TTC7A: variants seen among roughly 807,000 people sequenced by gnomAD.
TTC7A encodes tetratricopeptide repeat protein 7A.
A neutral mutation model predicts 103.7 loss-of-function variants in TTC7A; 110 were observed. The ratio of observed to expected loss-of-function variants is 1.06; its 90% confidence interval spans 0.91 to 1.24. The LOEUF (loss-of-function observed/expected upper bound fraction) is 1.24, where lower values mean the gene tolerates loss of function less well. TTC7A is among the 50% of genes most tolerant of loss of function. TTC7A has a pLI of 0.00. For missense variants in TTC7A, 1,340 were observed against 1,116.3 expected (o/e 1.20, Z -2.86); for synonymous variants, 521 against 467.9 (o/e 1.11, Z -1.47).
At chr2:46,954,566 CTTTTTTT>C (rs35548270) in intron 2 of TTC7A, among the ~76,000 whole-genome samples, 2 of 121,330 alleles carry the variant, frequency 1.6e-5, no homozygotes, top group Non-Finnish European at 3.3e-5. Context: ...AACTAAGAGC[CTTTTTTT>C]TTTTTTTTTT....
chr2:46,939,355 C>T (rs968244331), upstream of TTC7A, among the ~76,000 whole-genome samples: 8 of 152,122 alleles, frequency 5.3e-5, no homozygotes, highest in Non-Finnish European at 1.0e-4. Flanking sequence ...TTTTACACCC[C>T]TGAGAAATGT....
At chr2:47,024,778 G>A (rs991047293) in intron 14 of TTC7A, among the ~76,000 whole-genome samples, 2 of 152,092 alleles carry the variant, frequency 1.3e-5, no homozygotes, top group African/African-American at 4.8e-5. Flanking sequence ...TCACTGTGTG[G>A]ACACCACCAT....
chr2:46,939,735 C>T (rs1392600636), upstream of TTC7A, among the ~76,000 whole-genome samples: 3 of 152,196 alleles, frequency 2.0e-5, no homozygotes, highest in Non-Finnish European at 4.4e-5. Context: ...AGTGTGTTCT[C>T]GGGTCACCCT....
chr2:47,034,772 G>A (rs1296609191), intron 15 of TTC7A, among the ~76,000 whole-genome samples: 1 of 152,196 alleles, frequency 6.6e-6, no homozygotes, highest in Non-Finnish European at 1.5e-5. Flanking sequence ...GTCGGTCAGG[G>A]TAGGCCCTCT....
At chr2:46,964,848 C>T (rs1672701133) in intron 3 of TTC7A, among the ~76,000 whole-genome samples, 1 of 152,170 alleles carries the variant, frequency 6.6e-6, no homozygotes, top group Non-Finnish European at 1.5e-5. Context: ...TTCATTCTAC[C>T]TTGAGCCTGG....
chr2:46,965,103 C>T (rs1342035449), intron 3 of TTC7A, among the ~76,000 whole-genome samples: 1 of 152,168 alleles, frequency 6.6e-6, no homozygotes. Context: ...CCTCAGCAGC[C>T]AGAAGGATTA....
At chr2:47,044,310 C>G (rs535505043) in intron 15 of TTC7A, among the ~76,000 whole-genome samples, 1 of 152,312 alleles carries the variant, frequency 6.6e-6, no homozygotes, top group East Asian at 1.9e-4. Context: ...TTATAGCGCT[C>G]TAATTGTTGT....
At chr2:47,011,276 G>T in intron 10 of TTC7A, 55 bp from the exon 11 acceptor site, 1 of 1,526,780 alleles carries the variant, frequency 6.5e-7, no homozygotes, top group Non-Finnish European at 9.0e-7. Flanking sequence ...CCCACTGTGG[G>T]CCCTTGAGAT....
intron 11 of TTC7A, among the ~76,000 whole-genome samples, chr2:47,016,309 G>GTTTTTCTCCTCTC (rs1678653490): frequency 1.3e-5 from 2 of 152,224 alleles, no homozygotes; most frequent in Admixed American, 6.5e-5. Context: ...CCAGAGGGTA[G>GTTTTTCTCCTCTC]CTGTGAATCA....
At chr2:46,933,033 C>A (rs1279317005) in intron 2 of TTC7A, among the ~76,000 whole-genome samples, 1 of 152,146 alleles carries the variant, frequency 6.6e-6, no homozygotes, top group Non-Finnish European at 1.5e-5. Context: ...CTAAGCTGCA[C>A]TGAAAAGGCT....
chr2:47,042,934 C>G (rs997555496), intron 15 of TTC7A, among the ~76,000 whole-genome samples: 3 of 152,190 alleles, frequency 2.0e-5, no homozygotes, highest in African/African-American at 7.2e-5. Context: ...TCCCCAGCCC[C>G]GACTGCCAGC....
chr2:47,052,024 TG>T (rs1682902163), intron 18 of TTC7A, 144 bp downstream of exon 18: 1 of 1,085,530 alleles, frequency 9.2e-7, no homozygotes, highest in Non-Finnish European at 1.3e-6. Flanking sequence ...CCTCTGGCTG[TG>T]GGTCTCCTTC....
chr2:46,986,110 G>T (rs1049055183), intron 5 of TTC7A, among the ~76,000 whole-genome samples: 13 of 152,238 alleles, frequency 8.5e-5, no homozygotes, highest in African/African-American at 3.1e-4. Context: ...TTAGCTTAAG[G>T]TGCTAGAAGC....
At position 46,956,868 on chromosome 2, in the gene TTC7A, C is replaced by G. The variant is rs995588757; in HGVS notation, c.378C>G (p.Ile126Met). 51 of 1,614,086 alleles carry G rather than the reference C, an allele frequency of 3.2e-5. No individual in the cohort carries two copies. The highest frequency in any genetic ancestry group is 3.6e-5 in the Non-Finnish European group (43 of 1,180,054). The stretch of plus-strand genomic sequence containing the variant: ...AGTACATGTGTGAGGCCATGCTGAT[C>G]CTGGGCAAACTGCATTACGTGGAGG... ...SPQYMCEAML[I>M]LGKLHYVEGS... Residue 126 changes from isoleucine to methionine, a missense_variant, in exon 3 of 20, where the codon ATC (isoleucine) becomes ATG (methionine). Ile to Met is a conservative substitution (Grantham distance 10, BLOSUM62 1). Coordinates refer to ENST00000319190, the MANE Select transcript of TTC7A (RefSeq NM_020458.4).
intron 3 of TTC7A, chr2:46,958,444 G>C (rs1672079532): frequency 7.8e-7 from 1 of 1,284,808 alleles, no homozygotes; most frequent in South Asian, 1.2e-5. Flanking sequence ...TTTCTCCTGA[G>C]CCTGGCTCAG....
chr2:47,072,256 C>T lies in TTC7A; in HGVS notation c.2356-1446C>T, dbSNP rs551093102. On this transcript the variant is annotated intron_variant, in intron 19 of 19. Transcript: ENST00000319190. ...ACCCCGCCTGCAGCCACCCTGTCCT[C>T]CCCTGGCCTCTGCACGCCTCATCCG... is the stretch of plus-strand genomic sequence containing the variant. 2.6e-5 allele frequency among the ~76,000 whole-genome samples: 4 copies of T among 152,314 alleles called. No homozygotes were observed. The East Asian group carries it at 7.7e-4, about 29-fold the overall frequency.
intron 5 of TTC7A, among the ~76,000 whole-genome samples, chr2:46,987,804 C>CCGCGCG (rs141264278): frequency 9.6e-4 from 132 of 138,000 alleles, no homozygotes; most frequent in African/African-American, 3.4e-3. Flanking sequence ...CTGTCCCTTT[C>CCGCGCG]CGCGCGTGTG....
At position 47,060,743 on chromosome 2, in the gene TTC7A, C is replaced by T. The variant is rs762611836; in HGVS notation, c.2153-26C>T. 8 of 1,571,358 alleles carry T rather than the reference C, an allele frequency of 5.1e-6. No homozygotes were observed. The South Asian group carries it at 9.4e-5, about 18-fold the overall frequency. On this transcript the variant is annotated intron_variant, in intron 18 of 19. Coordinates refer to ENST00000319190, the MANE Select transcript of TTC7A (RefSeq NM_020458.4). Reference sequence around the variant, plus strand: ...GCCTCTGACTCCCCACCACTCACACCTCCCACTGCCCTTCTGCTTTTGCAG... The same window carrying T: ...GCCTCTGACTCCCCACCACTCACACTTCCCACTGCCCTTCTGCTTTTGCAG...
intron 3 of TTC7A, among the ~76,000 whole-genome samples, chr2:46,968,625 C>T (rs925330208): frequency 5.9e-5 from 9 of 152,258 alleles, no homozygotes; most frequent in Admixed American, 5.9e-4. Flanking sequence ...AACTTTTTGG[C>T]CCTGTGTATA....
Sources: gnomAD v4.1 joint callset for allele counts (sites outside exome capture counted in the v4.1 genomes callset) on GRCh38, gnomAD v4.1.1 for gene constraint, MANE v1.5 for transcripts, NCBI Gene and HGNC (gene_info 2026-07-23, HGNC 2026-07-21) for gene names.